The following UCN3 variants were observed in gnomAD, a reference collection of about 807,000 sequenced individuals.
UCN3 encodes the protein urocortin-3.
Under a neutral mutation model 3.6 loss-of-function variants are expected in UCN3, and 3 were observed. That is an observed-to-expected ratio of 0.83 (90% confidence interval 0.38 to 2.15). The LOEUF is 2.15. Among genes scored for constraint, UCN3 ranks in the 30% most tolerant of loss-of-function variants. UCN3 has a pLI of 0.06. For missense variants in UCN3, 206 were observed against 208.3 expected, an observed-to-expected ratio of 0.99 and a Z score of 0.07; for synonymous variants, 100 against 93.2, an observed-to-expected ratio of 1.07 and a Z score of -0.42.
At position 5,369,989 on chromosome 10, in the gene UCN3, GTGTGTATGTGTGTGTGTA is replaced by G. The variant is rs1831327491; in HGVS notation, c.-6-3720_-6-3703del. Among the ~76,000 whole-genome samples, 3 of 80,076 alleles carry G rather than the reference GTGTGTATGTGTGTGTGTA, an allele frequency of 3.7e-5. 1 individual carries two copies. The highest frequency in any genetic ancestry group is 1.5e-4 in the Admixed American group (1 of 6,692). The allele number at this position is 80,076 out of a possible 152,430, so 52.5% of individuals were successfully genotyped here. A position where few individuals can be genotyped will look rare whatever the true frequency, so the allele number is the denominator to read the frequency against. Reference sequence around the variant, plus strand: ...TGCGTGTGTATATGCGTGTGTATATGTGTGTATGTGTGTGTGTATGTGTGTGTATATGTGTGTGTATAT... The same window carrying G: ...TGCGTGTGTATATGCGTGTGTATATGTGTGTGTGTATATGTGTGTGTATAT... On this transcript the variant is annotated intron_variant, in intron 1 of 1. Coordinates refer to ENST00000380433, the MANE Select transcript of UCN3 (RefSeq NM_053049.4).
chr10:5,372,199 G>C (rs1307596803), intron 1 of UCN3, among the ~76,000 whole-genome samples: 2 of 152,190 alleles, frequency 1.3e-5, no homozygotes, highest in Non-Finnish European at 2.9e-5. Context: ...CCGCAGACCA[G>C]GCAAAAAGGA....
At chr10:5,369,499 T>G (rs1427579795) in intron 1 of UCN3, among the ~76,000 whole-genome samples, 1 of 152,192 alleles carries the variant, frequency 6.6e-6, no homozygotes, top group Non-Finnish European at 1.5e-5. Context: ...TCACAGAGGT[T>G]ATCGGCCCAA....
At position 5,372,792 on chromosome 10, in the gene UCN3, C is replaced by T. The variant is rs368202163; in HGVS notation, c.-6-923C>T. Among the ~76,000 whole-genome samples the T allele has an allele frequency of 1.5e-4, 22 of 147,648 alleles. No homozygotes were observed. In the South Asian group the frequency reaches 4.8e-3, roughly 32 times the overall value. Reference sequence around the variant, plus strand: ...CTGCTCTTGAACTCCTGGGTTCAAACAATCCTCCCACCTCGGCATCCCACA... The same window carrying T: ...CTGCTCTTGAACTCCTGGGTTCAAATAATCCTCCCACCTCGGCATCCCACA... On this transcript the variant is annotated intron_variant, in intron 1 of 1. Coordinates refer to ENST00000380433, the MANE Select transcript of UCN3 (RefSeq NM_053049.4).
chr10:5,370,776 TGC>T (rs1199260434), intron 1 of UCN3, among the ~76,000 whole-genome samples: 13 of 135,178 alleles, frequency 9.6e-5, no homozygotes, highest in African/African-American at 1.8e-4. Context: ...CGTGTGTATA[TGC>T]GTGTGTGTGT....
chr10:5,370,874 T>C (rs201845900), intron 1 of UCN3, among the ~76,000 whole-genome samples: 2,776 of 127,828 alleles, frequency 0.022, 162 homozygotes, highest in African/African-American at 0.038. Context: ...TGTGTATGTG[T>C]GTGTATATGC....
intron 1 of UCN3, among the ~76,000 whole-genome samples, chr10:5,370,853 G>GTGTGTGCA (rs1564443666): frequency 1.2e-4 from 9 of 73,216 alleles, no homozygotes; most frequent in African/African-American, 2.1e-4. Context: ...GTGTGTGCGC[G>GTGTGTGCA]TGTGTGTGCG....
At chr10:5,370,111 ATGTGTGTGTATG>A (rs1831338472) in intron 1 of UCN3, among the ~76,000 whole-genome samples, 1 of 27,790 alleles carries the variant, frequency 3.6e-5, no homozygotes, top group Non-Finnish European at 6.1e-5. Flanking sequence ...GCGTGTGTAT[ATGTGTGTGTATG>A]TGTGTGTATG....
chr10:5,371,320 C>T (rs113397998), intron 1 of UCN3, among the ~76,000 whole-genome samples: 8 of 148,472 alleles, frequency 5.4e-5, no homozygotes, highest in African/African-American at 1.5e-4. Context: ...TGTGTATGTA[C>T]GTGTAAGGTG....
At chr10:5,371,122 GGTAT>G (rs1162206438) in intron 1 of UCN3, among the ~76,000 whole-genome samples, 1 of 150,828 alleles carries the variant, frequency 6.6e-6, no homozygotes, top group African/African-American at 2.5e-5. Context: ...GTACATGTGA[GGTAT>G]GTATGTGTGT....
At chr10:5,370,121 ATG>A (rs1221895776) in intron 1 of UCN3, among the ~76,000 whole-genome samples, 7 of 46,088 alleles carry the variant, frequency 1.5e-4, no homozygotes, top group African/African-American at 2.5e-4. Context: ...ATGTGTGTGT[ATG>A]TGTGTGTATG....
chr10:5,365,432 G>T lies in UCN3; in HGVS notation c.-7+202G>T, dbSNP rs1464431040. The stretch of plus-strand genomic sequence containing the variant: ...GGACCAGGGGAAGTTTCTCAGGGAG[G>T]CACAATCACATTCCCACGTTGGTAT... On this transcript the variant is annotated intron_variant, in intron 1 of 1. Coordinates refer to ENST00000380433, the MANE Select transcript of UCN3 (RefSeq NM_053049.4). The surrounding 1 kb of genome is among the most constrained non-coding windows in gnomAD (Gnocchi z 4.4). Among the ~76,000 whole-genome samples, 1 of 152,204 alleles carries T rather than the reference G, an allele frequency of 6.6e-6. No homozygotes were observed. The highest frequency in any genetic ancestry group is 1.5e-5 in the Non-Finnish European group (1 of 68,036).
Position 5,372,181 on chromosome 10 carries a change from G to T in UCN3, c.-6-1534G>T, listed in dbSNP as rs117590972. Among the ~76,000 whole-genome samples the T allele has an allele frequency of 7.5e-3, 1,144 of 152,354 alleles. 26 individuals are homozygous for T. In the East Asian group the frequency reaches 0.083, roughly 11 times the overall value. ...TGTCCTTATTACAGGGCTGGGGAGA[G>T]TGTGTGCCCGCAGACCAGGCAAAAA... On this transcript the variant is annotated intron_variant, in intron 1 of 1. Transcript: ENST00000380433.
Position 5,372,051 on chromosome 10 carries a change from G to A in UCN3, c.-6-1664G>A, listed in dbSNP as rs558495642. Reference sequence around the variant, plus strand: ...CGGGGTGTGAGCGGGGCCCGCAGACGGCAGCCGTGCTTTCTCTAGGTGTTT... The same window carrying A: ...CGGGGTGTGAGCGGGGCCCGCAGACAGCAGCCGTGCTTTCTCTAGGTGTTT... On this transcript the variant is annotated intron_variant, in intron 1 of 1. Transcript: ENST00000380433. Among the ~76,000 whole-genome samples, 6 of 152,304 alleles carry A rather than the reference G, an allele frequency of 3.9e-5. No individual in the cohort carries two copies. In the East Asian group the frequency reaches 7.7e-4, roughly 20 times the overall value.
intron 1 of UCN3, among the ~76,000 whole-genome samples, chr10:5,372,921 T>A (rs1256282874): frequency 6.6e-6 from 1 of 152,062 alleles, no homozygotes; most frequent in Non-Finnish European, 1.5e-5. Flanking sequence ...TAGCATCCTT[T>A]CCGAGCTCTC....
In UCN3 at chr10:5,370,833, G is replaced by GTA. The variant is rs1554811399; in HGVS notation, c.-6-2881_-6-2880insAT. On this transcript the variant is annotated intron_variant, in intron 1 of 1. Coordinates refer to ENST00000380433, the MANE Select transcript of UCN3 (RefSeq NM_053049.4). ...TGTGTGCGTGTGTGTGCGCGCGTGT[G>GTA]TGTGCGCGTGTGTGTGCGCGTGTGT... Among the ~76,000 whole-genome samples the GTA allele has an allele frequency of 1.9e-4, 17 of 90,742 alleles. 1 individual carries two copies. In the East Asian group the frequency reaches 3.1e-3, roughly 17 times the overall value. 59.5% of individuals were successfully genotyped at this position (90,742 alleles called of 152,430 possible). A position where few individuals can be genotyped will look rare whatever the true frequency, so the allele number is the denominator to read the frequency against.
rs1554811096 is a variant in UCN3 at position 5,370,096 on chromosome 10, TATATGC to T, written c.-6-3618_-6-3613del. Among the ~76,000 whole-genome samples, 7 of 119,586 alleles carry T rather than the reference TATATGC, an allele frequency of 5.9e-5. 1 individual carries two copies. The highest frequency in any genetic ancestry group is 1.2e-4 in the Non-Finnish European group (7 of 58,372). The allele number at this position is 119,586 out of a possible 152,430, so 78.5% of individuals were successfully genotyped here. A position where few individuals can be genotyped will look rare whatever the true frequency, so the allele number is the denominator to read the frequency against. On this transcript the variant is annotated intron_variant, in intron 1 of 1. Coordinates refer to ENST00000380433, the MANE Select transcript of UCN3 (RefSeq NM_053049.4). Reference sequence around the variant, plus strand: ...GTATATGCGTGTGTATATGCGTGTGTATATGCGTGTGTATATGTGTGTGTATGTGTG... The same window carrying T: ...GTATATGCGTGTGTATATGCGTGTGTGTGTGTATATGTGTGTGTATGTGTG...
chr10:5,370,332 T>C (rs372093164), intron 1 of UCN3, among the ~76,000 whole-genome samples: 1 of 85,186 alleles, frequency 1.2e-5, no homozygotes, highest in Non-Finnish European at 2.2e-5. Context: ...TGTATATGCG[T>C]GTGTATATGC....
At chr10:5,370,747 TATG>T (rs1468817522) in intron 1 of UCN3, among the ~76,000 whole-genome samples, 35 of 106,758 alleles carry the variant, frequency 3.3e-4, no homozygotes, top group Admixed American at 1.1e-3. Context: ...TGTGTGTGTA[TATG>T]ATGTGTGTGT....
At chr10:5,370,356 TGTGTATATGCGTGTGTATATGC>T (rs1564442805) in intron 1 of UCN3, among the ~76,000 whole-genome samples, 1 of 91,154 alleles carries the variant, frequency 1.1e-5, no homozygotes, top group Non-Finnish European at 2.1e-5. Context: ...TGTATATGTG[TGTGTATATGCGTGTGTATATGC>T]GTGTATATGC....
Sources: allele counts gnomAD v4.1 joint callset (sites outside exome capture counted in the v4.1 genomes callset), GRCh38; gene constraint gnomAD v4.1.1; non-coding constraint Gnocchi (gnomAD v3.1); transcripts MANE v1.5; gene names NCBI Gene and HGNC (gene_info 2026-07-23, HGNC 2026-07-21).